Variants in COL15A1 observed in about 807,000 individuals in gnomAD.
COL15A1 encodes the protein collagen alpha-1(XV) chain.
In COL15A1, 111 loss-of-function variants were observed where a neutral mutation model predicts 165.9. The ratio of observed to expected loss-of-function variants is 0.67; its 90% CI spans 0.57 to 0.78. The LOEUF is 0.78. Among genes scored for constraint, COL15A1 ranks in the 30% least tolerant of loss-of-function variants. The pLI, the probability that COL15A1 is intolerant of heterozygous loss-of-function variation, is 0.00. For missense variants in COL15A1, 1,745 were observed against 1,789.7 expected, an observed-to-expected ratio of 0.98 and a Z score of 0.45; for synonymous variants, 659 against 674.8, an observed-to-expected ratio of 0.98 and a Z score of 0.36.
At chr9:99,055,396 A>T (rs767019553) in intron 34 of COL15A1, 24 bp downstream of exon 34, 1 of 1,418,280 alleles carries the variant, frequency 7.1e-7, no homozygotes, top group East Asian at 2.3e-5. Context: ...CCTCCAAGTC[A>T]TCTACCCCAA....
In COL15A1 at chr9:98,977,829, A is replaced by T. The variant is rs182003088; in HGVS notation, c.101-7736A>T. Among the ~76,000 whole-genome samples the T allele has an allele frequency of 1.6e-3, 242 of 152,296 alleles. 1 individual carries two copies. The highest frequency in any genetic ancestry group is 2.9e-3 in the Non-Finnish European group (199 of 68,020). On this transcript the variant is annotated intron_variant, in intron 2 of 41. Transcript: ENST00000375001. ...TCGTCTCATTGAATCCCCACATGGG[A>T]AGTGGGCAGGGACCTCCCCTGATCA...
intron 2 of COL15A1, among the ~76,000 whole-genome samples, chr9:98,969,896 G>A (rs568123865): frequency 9.9e-5 from 15 of 152,254 alleles, no homozygotes; most frequent in African/African-American, 3.6e-4. Context: ...TCTGTAAATT[G>A]GGAACAAAAA....
chr9:98,944,044 G>T lies in COL15A1; in HGVS notation c.-18G>T, dbSNP rs765903313. ...CTCGACTAGCCGCGCGCCTTCCGGG[G>T]CTCCGCAGACCCGCGAGATGGCACC... is the stretch of plus-strand genomic sequence containing the variant. On this transcript the variant is annotated 5_prime_UTR_variant, in exon 1 of 42. Coordinates refer to ENST00000375001, the MANE Select transcript of COL15A1 (RefSeq NM_001855.5). The T allele has an allele frequency of 6.2e-7, 1 of 1,613,836 alleles. No homozygotes were observed.
intron 11 of COL15A1, among the ~76,000 whole-genome samples, chr9:99,019,684 C>T (rs1341716176): frequency 6.6e-6 from 1 of 151,844 alleles, no homozygotes; most frequent in Non-Finnish European, 1.5e-5. Flanking sequence ...TTCTTCACTT[C>T]TCTCTGTCAC....
At chr9:99,014,350 C>T (rs1287679446) in intron 9 of COL15A1, among the ~76,000 whole-genome samples, 1 of 152,172 alleles carries the variant, frequency 6.6e-6, no homozygotes, top group Admixed American at 6.5e-5. Context: ...TAGGTGCCTT[C>T]CATCATCCTA....
At chr9:99,030,124 T>C (rs895059882) in intron 16 of COL15A1, among the ~76,000 whole-genome samples, 1 of 152,216 alleles carries the variant, frequency 6.6e-6, no homozygotes, top group East Asian at 1.9e-4. Context: ...AATTGAGTAA[T>C]GTCCTTAGAA....
intron 2 of COL15A1, among the ~76,000 whole-genome samples, chr9:98,975,156 T>G (rs143960187): frequency 6.6e-6 from 1 of 152,244 alleles, no homozygotes; most frequent in Non-Finnish European, 1.5e-5. Context: ...TCCGGACATA[T>G]CCGCAGCGCT....
At chr9:98,982,577 G>A (rs1440478828) in intron 2 of COL15A1, among the ~76,000 whole-genome samples, 2 of 151,798 alleles carry the variant, frequency 1.3e-5, no homozygotes, top group Non-Finnish European at 1.5e-5. Flanking sequence ...TGACCTCTGC[G>A]GTTCTTTTCT....
At chr9:98,996,629 G>A (rs1291278280) in intron 5 of COL15A1, among the ~76,000 whole-genome samples, 2 of 152,120 alleles carry the variant, frequency 1.3e-5, no homozygotes, top group African/African-American at 2.4e-5. Flanking sequence ...TCTTTACTGG[G>A]CACCTCCTCT....
In COL15A1 at chr9:99,035,088, A is replaced by ACCCCCAGGGCCTCCTGGACCCCCTGGG. The variant is rs778173143; in HGVS notation, c.2163_2189dup (p.Pro723_Pro731dup). 22 of 1,602,820 alleles carry ACCCCCAGGGCCTCCTGGACCCCCTGGG rather than the reference A, an allele frequency of 1.4e-5. No individual in the cohort carries two copies. The African/African-American group carries it at 2.7e-4, about 19-fold the overall frequency. ...AAGCTGGCCCTCCTGGGGTCATGGG[A>ACCCCCAGGGCCTCCTGGACCCCCTGGG]CCCCCAGGGCCTCCTGGACCCCCTG... On this transcript the variant is annotated inframe_insertion, in exon 18 of 42. Transcript: ENST00000375001.
At chr9:99,052,136 T>G (rs952174201) in intron 30 of COL15A1, among the ~76,000 whole-genome samples, 1 of 152,216 alleles carries the variant, frequency 6.6e-6, no homozygotes, top group Non-Finnish European at 1.5e-5. Flanking sequence ...ATGGCTGAGT[T>G]TTTTGGCCAT....
intron 39 of COL15A1, among the ~76,000 whole-genome samples, chr9:99,066,610 T>G (rs943560893): frequency 1.4e-5 from 2 of 145,534 alleles, no homozygotes; most frequent in Non-Finnish European, 3.0e-5. Context: ...TTTTTTTTTT[T>G]TTTTTTTTTT....
At chr9:98,951,537 G>A (rs770849263) in intron 2 of COL15A1, among the ~76,000 whole-genome samples, 5 of 152,174 alleles carry the variant, frequency 3.3e-5, no homozygotes, top group Non-Finnish European at 7.3e-5. Context: ...TCCCACACCT[G>A]TGCTTTTGCA....
rs1255093188 is a variant in COL15A1, at chr9:99,047,834, C to A, written c.2728C>A (p.Arg910=). Residue 910 remains arginine (R), a synonymous_variant, in exon 27 of 42, where the codon CGA becomes AGA. Transcript: ENST00000375001. ...TAAAGGAGAATTTGGCCTTCCCGGG[C>A]GACCTGTAGGTATCAGTGTTCATTG... ...GHKGEFGLPG[R]PGRPGLNGLK... 6.2e-7 allele frequency: 1 copy of A among 1,613,846 alleles called. No individual in the cohort carries two copies. Among genetic ancestry groups the A allele is most frequent in the Non-Finnish European group, 8.5e-7 (1 of 1,179,962 alleles).
In COL15A1 at chr9:99,003,589, T is replaced by C. The variant is rs1325740328; in HGVS notation, c.1200+2T>C. Reference sequence around the variant, plus strand: ...AACCCAGAGGAAGGGGTCACTCCAGTAAGTAGCTCAGAGCGCAAGCTCCCC... The same window carrying C: ...AACCCAGAGGAAGGGGTCACTCCAGCAAGTAGCTCAGAGCGCAAGCTCCCC... On this transcript the variant is annotated splice_donor_variant, in intron 8 of 41. Coordinates refer to ENST00000375001, the MANE Select transcript of COL15A1 (RefSeq NM_001855.5). LOFTEE classifies it high-confidence loss of function. The C allele has an allele frequency of 6.7e-7, 1 of 1,488,854 alleles. No homozygotes were observed. The highest frequency in any genetic ancestry group is 9.0e-7 in the Non-Finnish European group (1 of 1,117,270). 92.2% of individuals were successfully genotyped at this position (1,488,854 alleles called of 1,614,324 possible).
At chr9:99,034,433 A>C in intron 16 of COL15A1, 116 bp from the exon 17 acceptor site, 1 of 1,447,080 alleles carries the variant, frequency 6.9e-7, no homozygotes, top group Non-Finnish European at 9.2e-7. Flanking sequence ...CTGAGACAGA[A>C]AGAGTCCTAT....
At chr9:99,062,169 A>G in intron 37 of COL15A1, 70 bp downstream of exon 37, 1 of 1,600,004 alleles carries the variant, frequency 6.2e-7, no homozygotes, top group Non-Finnish European at 8.6e-7. Context: ...ACTCCCATAA[A>G]TGCCATTTTT....
rs143604685 is a variant in COL15A1 at position 98,978,713 on chromosome 9, A to G, written c.101-6852A>G. 1.1e-3 allele frequency among the ~76,000 whole-genome samples: 164 copies of G among 152,252 alleles called. 1 individual carries two copies. The highest frequency in any genetic ancestry group is 3.8e-3 in the African/African-American group (157 of 41,554). On this transcript the variant is annotated intron_variant, in intron 2 of 41. Transcript: ENST00000375001. Reference sequence around the variant, plus strand: ...AAGAAGAATAGGTTTTATGATTTCTATAAGTGGATGCAAGGAGATAATCTC... The same window carrying G: ...AAGAAGAATAGGTTTTATGATTTCTGTAAGTGGATGCAAGGAGATAATCTC...
chr9:98,997,317 C>T (rs1223439691), intron 6 of COL15A1, among the ~76,000 whole-genome samples: 1 of 152,182 alleles, frequency 6.6e-6, no homozygotes, highest in African/African-American at 2.4e-5. Context: ...CATTTGAGCT[C>T]AGATAGCAGA....
Sources: allele counts gnomAD v4.1 joint callset (sites outside exome capture counted in the v4.1 genomes callset), GRCh38; gene constraint gnomAD v4.1.1; transcripts MANE v1.5; gene names NCBI Gene and HGNC (gene_info 2026-07-23, HGNC 2026-07-21).